NRXN1: variants seen among roughly 807,000 people sequenced by gnomAD.
The protein encoded by NRXN1 is neurexin 1.
Under a neutral mutation model 150.9 loss-of-function variants are expected in NRXN1, and 39 were observed. The observed-to-expected ratio is 0.26, with a 90% CI of 0.20 to 0.34. NRXN1 has a LOEUF of 0.34. Ranked by LOEUF, NRXN1 falls within the 10% of genes least tolerant of loss-of-function variation. NRXN1 has a pLI of 1.00. For synonymous variants in NRXN1, 924 were observed against 757.0 expected, an observed-to-expected ratio of 1.22 and a Z score of -3.62; for missense variants, 1,815 against 1,949.9, an observed-to-expected ratio of 0.93 and a Z score of 1.30.
intron 5 of NRXN1, among the ~76,000 whole-genome samples, chr2:50,822,950 T>C (rs771131878): frequency 6.6e-6 from 1 of 152,194 alleles, no homozygotes; most frequent in Non-Finnish European, 1.5e-5. Flanking sequence ...TGGGCTACCA[T>C]GTATATTTTC....
chr2:51,014,559 A>T (rs950479822), intron 2 of NRXN1, among the ~76,000 whole-genome samples: 1 of 152,064 alleles, frequency 6.6e-6, no homozygotes, highest in Non-Finnish European at 1.5e-5. Context: ...GACTTCTTTG[A>T]AACACAGGAG....
chr2:50,733,732 T>C (rs968741853), intron 5 of NRXN1, among the ~76,000 whole-genome samples: 1 of 152,152 alleles, frequency 6.6e-6, no homozygotes, highest in Admixed American at 6.5e-5. Flanking sequence ...GTCTTAATAA[T>C]GGTCGACCAT....
At chr2:50,506,826 G>T in intron 12 of NRXN1, 1 of 532,844 alleles carries the variant, frequency 1.9e-6, no homozygotes, top group Non-Finnish European at 3.4e-6. Context: ...GTCATAGCAA[G>T]CAAGGAAAAT....
At chr2:50,942,981 G>C (rs1045434261) in intron 2 of NRXN1, among the ~76,000 whole-genome samples, 1 of 152,160 alleles carries the variant, frequency 6.6e-6, no homozygotes. Context: ...GGAGTTAGGG[G>C]AGTGGCCTGT....
chr2:50,424,537 C>T (rs928534869), intron 17 of NRXN1, among the ~76,000 whole-genome samples: 1 of 152,036 alleles, frequency 6.6e-6, no homozygotes, highest in African/African-American at 2.4e-5. Flanking sequence ...ATGGGTCTAC[C>T]TAACACTGGC....
chr2:51,031,956 C>A, intron 1 of NRXN1, 25 bp downstream of exon 1: 1 of 152,382 alleles, frequency 6.6e-6, no homozygotes. Flanking sequence ...ATCCCCTCCC[C>A]CCAACCCAAA....
rs373696226 is a variant in NRXN1 at position 50,278,289 on chromosome 2, C to T, written c.3365-41319G>A. ...TTATATATGTATTATATATATAATA[C>T]ATATATAATATATATTTTATATATA... On this transcript the variant is annotated intron_variant, in intron 17 of 22. Transcript: ENST00000401669. Among the ~76,000 whole-genome samples the T allele has an allele frequency of 2.7e-3, 306 of 114,532 alleles. 1 individual carries two copies. The highest frequency in any genetic ancestry group is 9.5e-3 in the African/African-American group (264 of 27,920). The allele number at this position is 114,532 out of a possible 152,430, so 75.1% of individuals were successfully genotyped here.
chr2:49,999,771 A>G (rs2152532013), intron 21 of NRXN1, among the ~76,000 whole-genome samples: 1 of 152,316 alleles, frequency 6.6e-6, no homozygotes, highest in African/African-American at 2.4e-5. Context: ...ATCTAAACAT[A>G]TATCATCTTC....
At chr2:50,580,937 CAT>C (rs935867481) in intron 8 of NRXN1, among the ~76,000 whole-genome samples, 7 of 152,116 alleles carry the variant, frequency 4.6e-5, no homozygotes, top group African/African-American at 1.7e-4. Context: ...TGGCCATACA[CAT>C]GAGTAAATTA....
At position 49,919,272 on chromosome 2, in the gene NRXN1, A is replaced by C. The variant is rs1337287291; in HGVS notation, c.*2672T>G. ...GGATTCAAGTCATTTTCTCTTTCTA[A>C]CTCTGTTCCTCTCTTTTCTTTTTCC... is the stretch of plus-strand genomic sequence containing the variant. On this transcript the variant is annotated 3_prime_UTR_variant, in exon 23 of 23. Transcript: ENST00000401669. 1 of 151,890 alleles carries C rather than the reference A, an allele frequency of 6.6e-6. No individual in the cohort carries two copies. The highest frequency in any genetic ancestry group is 2.4e-5 in the African/African-American group (1 of 41,366). 9.4% of individuals were successfully genotyped at this position (151,890 alleles called of 1,614,324 possible). A position where few individuals can be genotyped will look rare whatever the true frequency, so the allele number is the denominator to read the frequency against.
chr2:50,659,747 A>G (rs62142356), intron 5 of NRXN1, among the ~76,000 whole-genome samples: 1 of 149,780 alleles, frequency 6.7e-6, no homozygotes, highest in Non-Finnish European at 1.5e-5. Flanking sequence ...TTTTTTTCCC[A>G]AATCCACAAC....
intron 5 of NRXN1, among the ~76,000 whole-genome samples, chr2:50,913,830 G>T (rs945344958): frequency 6.6e-6 from 1 of 151,628 alleles, no homozygotes; most frequent in Non-Finnish European, 1.5e-5. Context: ...GAATGCAAAA[G>T]AATACATCCC....
At chr2:50,405,780 T>G (rs965784541) in intron 17 of NRXN1, among the ~76,000 whole-genome samples, 1 of 152,210 alleles carries the variant, frequency 6.6e-6, no homozygotes, top group South Asian at 2.1e-4. Context: ...GAATTAATTA[T>G]ATTTGTATGA....
chr2:50,566,452 G>A (rs143113284), intron 8 of NRXN1, among the ~76,000 whole-genome samples: 119 of 141,444 alleles, frequency 8.4e-4, no homozygotes, highest in African/African-American at 2.8e-3. Flanking sequence ...ACAGGGTTTC[G>A]CTATGTTGGC....
At chr2:50,039,726 G>A (rs1690629812) in intron 21 of NRXN1, among the ~76,000 whole-genome samples, 1 of 152,154 alleles carries the variant, frequency 6.6e-6, no homozygotes, top group Non-Finnish European at 1.5e-5. Context: ...TTAAAACTGT[G>A]ACTGGGAATT....
chr2:50,812,834 G>A (rs1250766118), intron 5 of NRXN1, among the ~76,000 whole-genome samples: 1 of 151,062 alleles, frequency 6.6e-6, no homozygotes, highest in East Asian at 1.9e-4. Flanking sequence ...TTAAACCTCA[G>A]AAGAGAATAC....
chr2:50,711,505 T>C (rs1490793605), intron 5 of NRXN1, among the ~76,000 whole-genome samples: 1 of 151,850 alleles, frequency 6.6e-6, no homozygotes, highest in African/African-American at 2.4e-5. Context: ...CTGACTAATT[T>C]ATGTATTTTT....
At chr2:50,935,333 C>A (rs911087242) in intron 2 of NRXN1, among the ~76,000 whole-genome samples, 1 of 152,104 alleles carries the variant, frequency 6.6e-6, no homozygotes, top group Non-Finnish European at 1.5e-5. Flanking sequence ...GCAGTTCACA[C>A]CTCTAGTTAA....
chr2:50,694,420 T>C (rs1238868993), intron 5 of NRXN1, among the ~76,000 whole-genome samples: 1 of 152,204 alleles, frequency 6.6e-6, no homozygotes, highest in African/African-American at 2.4e-5. Flanking sequence ...ACTTCTAAGC[T>C]GTATACTATA....
Sources: allele counts gnomAD v4.1 joint callset (sites outside exome capture counted in the v4.1 genomes callset), GRCh38; gene constraint gnomAD v4.1.1; transcripts MANE v1.5; gene names NCBI Gene and HGNC (gene_info 2026-07-23, HGNC 2026-07-21).